ADAMTS19: variants seen among roughly 807,000 people sequenced by gnomAD.
ADAMTS19 encodes the protein ADAM metallopeptidase with thrombospondin type 1 motif 19.
Under a neutral mutation model 153.3 loss-of-function variants are expected in ADAMTS19, and 93 were observed. That is an observed-to-expected ratio of 0.61 (90% confidence interval 0.51 to 0.72). The LOEUF is 0.72. Among genes scored for constraint, ADAMTS19 ranks in the 30% least tolerant of loss-of-function variants. The pLI, the probability that ADAMTS19 is intolerant of heterozygous loss-of-function variation, is 0.00. For synonymous variants in ADAMTS19, 600 were observed against 556.6 expected, an observed-to-expected ratio of 1.08 and a Z score of -1.10; for missense variants, 1,482 against 1,552.1, an observed-to-expected ratio of 0.95 and a Z score of 0.76.
At chr5:129,658,523 A>G (rs917800863) in intron 14 of ADAMTS19, 94 bp from the exon 15 acceptor site, 14 of 1,219,566 alleles carry the variant, frequency 1.1e-5, no homozygotes, top group Admixed American at 2.5e-5. Context: ...AATTAAATAT[A>G]TCTGGTTTAT....
In ADAMTS19 at chr5:129,560,989, T is replaced by G. The variant is rs1219411378; in HGVS notation, c.1372+9082T>G. Among the ~76,000 whole-genome samples, 51 of 152,228 alleles carry G rather than the reference T, an allele frequency of 3.4e-4. 1 individual carries two copies. The highest frequency in any genetic ancestry group is 3.3e-3 in the Admixed American group (51 of 15,276). On this transcript the variant is annotated intron_variant, in intron 7 of 22. Transcript: ENST00000274487. ...ATTATTTAAGATCCCAAATAGATTT[T>G]TATGTAGGTTACATTTATCAATTAT...
chr5:129,669,172 G>T (rs1754188731), intron 16 of ADAMTS19, among the ~76,000 whole-genome samples: 1 of 151,980 alleles, frequency 6.6e-6, no homozygotes, highest in Non-Finnish European at 1.5e-5. Context: ...CTCCGGTGGT[G>T]CTGGGAAATC....
At chr5:129,560,772 C>T (rs1421826) in intron 7 of ADAMTS19, among the ~76,000 whole-genome samples, 37,426 of 151,966 alleles carry the variant, frequency 0.25, 4,928 homozygotes, top group African/African-American at 0.33. Flanking sequence ...TTTAGTCACA[C>T]AATTCAGTTT....
chr5:129,655,963 T>G (rs1158886337), intron 14 of ADAMTS19, among the ~76,000 whole-genome samples: 1 of 152,242 alleles, frequency 6.6e-6, no homozygotes, highest in Non-Finnish European at 1.5e-5. Context: ...TATACATATT[T>G]TGTTTTCAGA....
intron 8 of ADAMTS19, among the ~76,000 whole-genome samples, chr5:129,603,451 T>A (rs889587109): frequency 5.9e-5 from 9 of 152,174 alleles, no homozygotes; most frequent in African/African-American, 1.9e-4. Flanking sequence ...GATACCATAT[T>A]TTTATATACA....
chr5:129,603,392 T>C (rs939646043), intron 8 of ADAMTS19, among the ~76,000 whole-genome samples: 2 of 152,238 alleles, frequency 1.3e-5, no homozygotes, highest in Non-Finnish European at 2.9e-5. Context: ...AGTTGTTCTT[T>C]TGTACAAATA....
At chr5:129,515,509 C>T (rs1273739286) in intron 3 of ADAMTS19, among the ~76,000 whole-genome samples, 9 of 151,876 alleles carry the variant, frequency 5.9e-5, no homozygotes, top group Non-Finnish European at 1.2e-4. Context: ...AGGTCTTTCA[C>T]TTCTTTGGTT....
rs1309567515 is a variant in ADAMTS19 at position 129,712,136 on chromosome 5, A to G, written c.3312+7745A>G. Among the ~76,000 whole-genome samples, 4 of 152,088 alleles carry G rather than the reference A, an allele frequency of 2.6e-5. No individual in the cohort carries two copies. In the East Asian group the frequency reaches 7.7e-4, roughly 29 times the overall value. ...TCTAATTATGTCTGCAAATATACTG[A>G]TGTTTGGAGAAGGTAATTGCTTACA... On this transcript the variant is annotated intron_variant, in intron 21 of 22. Transcript: ENST00000274487.
intron 8 of ADAMTS19, among the ~76,000 whole-genome samples, chr5:129,612,608 T>G (rs1359049061): frequency 6.6e-6 from 1 of 152,016 alleles, no homozygotes; most frequent in African/African-American, 2.4e-5. Context: ...AGAACATCGA[T>G]GCTAGGAAGA....
At chr5:129,602,600 A>G (rs1362515685) in intron 8 of ADAMTS19, among the ~76,000 whole-genome samples, 1 of 152,166 alleles carries the variant, frequency 6.6e-6, no homozygotes, top group Non-Finnish European at 1.5e-5. Context: ...TTCATTTTTC[A>G]GTTTATGCAA....
At chr5:129,635,897 T>G (rs546344291) in intron 10 of ADAMTS19, among the ~76,000 whole-genome samples, 1 of 152,192 alleles carries the variant, frequency 6.6e-6, no homozygotes, top group Admixed American at 6.5e-5. Context: ...GTTCAATTTA[T>G]TTATTTATTT....
chr5:129,626,331 T>A (rs1752046020), intron 10 of ADAMTS19, among the ~76,000 whole-genome samples: 1 of 152,152 alleles, frequency 6.6e-6, no homozygotes, highest in Non-Finnish European at 1.5e-5. Flanking sequence ...CTATCAGTTT[T>A]AACCAGTATC....
intron 8 of ADAMTS19, among the ~76,000 whole-genome samples, chr5:129,597,809 G>T (rs1750452096): frequency 6.6e-6 from 1 of 151,758 alleles, no homozygotes; most frequent in Admixed American, 6.6e-5. Context: ...AGCTGAGGCA[G>T]GAGAATCGCT....
At position 129,551,875 on chromosome 5, in the gene ADAMTS19, G is replaced by C; in HGVS notation, c.1340G>C (p.Cys447Ser). ...ATTTTTCTTTCTAGGAAAGATTTCT[G>C]TGTGCACAAAGATGAACCATGTGAT... The part of the protein sequence containing the change: ...AAILITRKDF[C>S]VHKDEPCDTV... The change falls in exon 7 of 23, where the codon TGT becomes TCT. Residue 447 changes from cysteine to serine, a missense_variant. Coordinates refer to ENST00000274487, the MANE Select transcript of ADAMTS19 (RefSeq NM_133638.6). 1 of 1,575,742 alleles carries C rather than the reference G, an allele frequency of 6.3e-7. No homozygotes were observed.
rs575104200 is a variant in ADAMTS19 at position 129,533,476 on chromosome 5, T to C, written c.1328+4799T>C. 1.8e-4 allele frequency among the ~76,000 whole-genome samples: 27 copies of C among 152,308 alleles called. No individual in the cohort carries two copies. The South Asian group carries it at 5.0e-3, about 28-fold the overall frequency. ...ATCTTTTATTGCGTCTATTTGATTCTTCTCTCTTTTCTTCTTCATTAGTCT... is the reference window on the plus strand; with the variant it reads ...ATCTTTTATTGCGTCTATTTGATTCCTCTCTCTTTTCTTCTTCATTAGTCT... On this transcript the variant is annotated intron_variant, in intron 6 of 22. Transcript: ENST00000274487.
chr5:129,653,372 G>A (rs1165340973), intron 13 of ADAMTS19, among the ~76,000 whole-genome samples: 2 of 152,156 alleles, frequency 1.3e-5, no homozygotes, highest in Non-Finnish European at 2.9e-5. Context: ...AAATACTGCA[G>A]CTCCTCTGTA....
intron 8 of ADAMTS19, among the ~76,000 whole-genome samples, chr5:129,601,529 T>G (rs1750649311): frequency 6.6e-6 from 1 of 152,162 alleles, no homozygotes; most frequent in Non-Finnish European, 1.5e-5. Context: ...TCTGAGTTGA[T>G]TTGCTAGCAT....
intron 8 of ADAMTS19, among the ~76,000 whole-genome samples, chr5:129,607,946 C>T (rs1435722290): frequency 2.8e-4 from 40 of 144,084 alleles, no homozygotes; most frequent in Non-Finnish European, 1.8e-4. Flanking sequence ...TGTGTGTATG[C>T]ATATATATAT....
chr5:129,575,968 A>G (rs1026292270), intron 7 of ADAMTS19, among the ~76,000 whole-genome samples: 2 of 151,976 alleles, frequency 1.3e-5, no homozygotes, highest in Admixed American at 6.6e-5. Flanking sequence ...GAACAGGAGC[A>G]CAAAAGCTAG....
Sources: gnomAD v4.1 joint callset for allele counts (sites outside exome capture counted in the v4.1 genomes callset) on GRCh38, gnomAD v4.1.1 for gene constraint, MANE v1.5 for transcripts, NCBI Gene and HGNC (gene_info 2026-07-23, HGNC 2026-07-21) for gene names.